Variants in DOP1B observed in about 807,000 individuals in gnomAD.
DOP1B encodes DOP1 leucine zipper like protein B, also known as protein DOP1B.
A neutral mutation model predicts 233.5 loss-of-function variants in DOP1B; 174 were observed. The observed-to-expected ratio is 0.75, with a 90% CI of 0.66 to 0.85. The LOEUF (loss-of-function observed/expected upper bound fraction) is 0.85, where lower values mean the gene tolerates loss of function less well. Among genes scored for constraint, DOP1B ranks in the 40% least tolerant of loss-of-function variants. The pLI, the probability that DOP1B is intolerant of heterozygous loss-of-function variation, is 0.00. For synonymous variants in DOP1B, 1,190 were observed against 1,185.6 expected, an observed-to-expected ratio of 1.00 and a Z score of -0.08; for missense variants, 2,652 against 2,846.6, an observed-to-expected ratio of 0.93 and a Z score of 1.56.
intron 18 of DOP1B, 49 bp downstream of exon 18, chr21:36,240,004 G>GA: frequency 6.4e-7 from 1 of 1,552,142 alleles, no homozygotes; most frequent in Non-Finnish European, 8.7e-7. Flanking sequence ...TGGGTGGGGG[G>GA]ACTGGACCTC....
intron 1 of DOP1B, among the ~76,000 whole-genome samples, chr21:36,159,882 T>A (rs1464730899): frequency 1.3e-5 from 2 of 152,228 alleles, no homozygotes; most frequent in Admixed American, 1.3e-4. Flanking sequence ...CCTCTGTCAC[T>A]TATGTGTGTT....
intron 35 of DOP1B, among the ~76,000 whole-genome samples, chr21:36,290,095 G>A (rs187246076): frequency 5.9e-5 from 9 of 152,308 alleles, no homozygotes; most frequent in Admixed American, 5.9e-4. Flanking sequence ...TTTAACAAAT[G>A]TACCACTCTG....
At position 36,199,131 on chromosome 21, in the gene DOP1B, T is replaced by C. The variant is rs1380783697; in HGVS notation, c.200T>C (p.Leu67Ser). 1.2e-6 allele frequency: 2 copies of C among 1,614,196 alleles called. No homozygotes were observed. Among genetic ancestry groups the C allele is most frequent in the Non-Finnish European group, 1.7e-6 (2 of 1,180,034 alleles). Residue 67 changes from leucine (L) to serine (S), a missense_variant, in exon 3 of 37, where the codon TTA (leucine) becomes TCA (serine). Leu to Ser is a moderately radical substitution (Grantham distance 145, BLOSUM62 -2). Transcript: ENST00000691173. ...AGACGGCTCCTCATCAGCAAAAGAT[T>C]AGCTCAGTGTTTGCACCCTGCCCTG... ...LPRRLLISKR[L>S]AQCLHPALPS...
At chr21:36,269,909 C>A in intron 26 of DOP1B, 104 bp from the exon 27 acceptor site, 1 of 1,212,890 alleles carries the variant, frequency 8.2e-7, no homozygotes, top group Non-Finnish European at 1.2e-6. Flanking sequence ...TATATGCTCA[C>A]AGCTGTGGCC....
At position 36,220,500 on chromosome 21, in the gene DOP1B, T is replaced by G. The variant is rs192044655; in HGVS notation, c.1250+1008T>G. ...TTAGTTGCTTGGGGTTTTCTTTTTG[T>G]TTTCTTGTTGGTTTGTTTGTTTGGT... On this transcript the variant is annotated intron_variant, in intron 10 of 36. Transcript: ENST00000691173. Among the ~76,000 whole-genome samples the G allele has an allele frequency of 2.5e-3, 385 of 152,172 alleles. 3 individuals carry two copies. Among genetic ancestry groups the G allele is most frequent in the Non-Finnish European group, 3.0e-3 (207 of 68,004 alleles).
At chr21:36,200,549 G>A in intron 4 of DOP1B, 48 bp downstream of exon 4, 2 of 1,536,098 alleles carry the variant, frequency 1.3e-6, no homozygotes, top group Non-Finnish European at 1.7e-6. Flanking sequence ...TGCTTTATAA[G>A]ACGCGGGGAG....
chr21:36,287,579 C>CTTTTTTTTTTTTTT (rs869203517), intron 32 of DOP1B, among the ~76,000 whole-genome samples: 2 of 73,124 alleles, frequency 2.7e-5, no homozygotes, highest in African/African-American at 5.7e-5. Flanking sequence ...TCCTAACATT[C>CTTTTTTTTTTTTTT]TTTTTTTTTT....
intron 1 of DOP1B, among the ~76,000 whole-genome samples, chr21:36,162,005 A>G (rs1010979239): frequency 1.3e-5 from 2 of 152,180 alleles, no homozygotes; most frequent in African/African-American, 4.8e-5. Context: ...TGCTTGTCTT[A>G]GTTAATTCAG....
chr21:36,229,662 T>A lies in DOP1B; in HGVS notation c.1666-788T>A, dbSNP rs1256813978. Among the ~76,000 whole-genome samples, 4 of 74,508 alleles carry A rather than the reference T, an allele frequency of 5.4e-5. No homozygotes were observed. The East Asian group carries it at 3.9e-3, about 73-fold the overall frequency. 48.9% of individuals were successfully genotyped at this position (74,508 alleles called of 152,430 possible). A position where few individuals can be genotyped will look rare whatever the true frequency, so the allele number is the denominator to read the frequency against. ...ACACTATTCTCTGACTTGCTTTACC[T>A]TTTTTTTTTTTTTTTTTGAGACAGA... On this transcript the variant is annotated intron_variant, in intron 13 of 36. Coordinates refer to ENST00000691173, the MANE Select transcript of DOP1B (RefSeq NM_001320714.2).
At chr21:36,215,323 T>A (rs767632749) in intron 9 of DOP1B, among the ~76,000 whole-genome samples, 11 of 152,192 alleles carry the variant, frequency 7.2e-5, no homozygotes, top group Non-Finnish European at 1.3e-4. Context: ...AAAGGCTCCC[T>A]TCTTAGATAC....
intron 24 of DOP1B, chr21:36,261,926 TG>T (rs1240537400): frequency 1.1e-5 from 11 of 979,448 alleles, no homozygotes; most frequent in Middle Eastern, 5.2e-4. Flanking sequence ...GGAAAAAAAA[TG>T]GGGGTGGGAA....
chr21:36,157,071 T>TGG (rs1307734023), intron 1 of DOP1B, 128 bp downstream of exon 1: 1 of 152,054 alleles, frequency 6.6e-6, no homozygotes, highest in African/African-American at 2.4e-5. Context: ...GGCGGCGCCG[T>TGG]GGGGCGGCCC....
chr21:36,189,144 A>G (rs919498910), intron 2 of DOP1B, among the ~76,000 whole-genome samples: 5 of 152,206 alleles, frequency 3.3e-5, no homozygotes, highest in Non-Finnish European at 7.3e-5. Flanking sequence ...AGTCAAAGGA[A>G]ACAAAGATAT....
chr21:36,186,597 G>A (rs1213563042), intron 2 of DOP1B, among the ~76,000 whole-genome samples: 1 of 152,048 alleles, frequency 6.6e-6, no homozygotes, highest in Non-Finnish European at 1.5e-5. Flanking sequence ...TTATGAGTAG[G>A]TGATGGTATA....
chr21:36,164,937 A>G, intron 2 of DOP1B, 66 bp downstream of exon 2: 1 of 1,312,300 alleles, frequency 7.6e-7, no homozygotes, highest in Non-Finnish European at 1.0e-6. Flanking sequence ...TTATTATTAT[A>G]AGAAATTACA....
intron 31 of DOP1B, among the ~76,000 whole-genome samples, chr21:36,280,989 G>A (rs1468204165): frequency 3.3e-5 from 5 of 151,564 alleles, no homozygotes; most frequent in African/African-American, 7.3e-5. Flanking sequence ...GCGACAGAGC[G>A]AAAATCCTTC....
intron 10 of DOP1B, among the ~76,000 whole-genome samples, chr21:36,221,564 CT>C (rs2066623081): frequency 1.3e-5 from 2 of 151,862 alleles, no homozygotes; most frequent in African/African-American, 4.8e-5. Context: ...ACAGTTTCTG[CT>C]TTTTCAGTTT....
intron 25 of DOP1B, 34 bp from the exon 26 acceptor site, chr21:36,263,714 C>T: frequency 6.2e-7 from 1 of 1,613,532 alleles, no homozygotes; most frequent in African/African-American, 1.3e-5. Context: ...ATTTCTGCAG[C>T]ATTTTTAATC....
At chr21:36,275,421 G>T (rs540222674) in intron 27 of DOP1B, among the ~76,000 whole-genome samples, 5 of 151,948 alleles carry the variant, frequency 3.3e-5, no homozygotes, top group Admixed American at 2.6e-4. Flanking sequence ...GAGCCCAGGA[G>T]TTCGAGACCA....
Sources: gnomAD v4.1 joint callset for allele counts (sites outside exome capture counted in the v4.1 genomes callset) on GRCh38, gnomAD v4.1.1 for gene constraint, MANE v1.5 for transcripts, NCBI Gene and HGNC (gene_info 2026-07-23, HGNC 2026-07-21) for gene names.